Variants in RTL4 observed in about 807,000 individuals in gnomAD.
The protein encoded by RTL4 is retrotransposon Gag like 4.
A neutral mutation model predicts 5.3 loss-of-function variants in RTL4; 4 were observed. The observed-to-expected ratio is 0.75, with a 90% CI of 0.37 to 1.72. The LOEUF is 1.72. Among genes scored for constraint, RTL4 ranks in the 40% most tolerant of loss-of-function variants. RTL4 has a pLI of 0.04. For synonymous variants in RTL4, 98 were observed against 87.3 expected (o/e 1.12, Z -0.68); for missense variants, 260 against 227.1 (o/e 1.14, Z -0.93).
the RTL4 span, among the ~76,000 whole-genome samples, chrX:112,171,581 T>A: frequency 8.9e-6 from 1 of 111,893 alleles, no homozygotes; most frequent in Non-Finnish European, 1.9e-5. Flanking sequence ...TGTTTGTATA[T>A]CTGTGGGGTC....
At chrX:112,155,424 T>C in the RTL4 span, among the ~76,000 whole-genome samples, 1 of 111,521 alleles carries the variant, frequency 9.0e-6, no homozygotes. Flanking sequence ...GAGCGAGGTC[T>C]GAGTTAGGTA....
chrX:112,258,214 A>AC, the RTL4 span, among the ~76,000 whole-genome samples: 1 of 110,656 alleles, frequency 9.0e-6, no homozygotes, highest in Non-Finnish European at 1.9e-5. Flanking sequence ...ATTGGTGCAT[A>AC]CATATCATTA....
the RTL4 span, among the ~76,000 whole-genome samples, chrX:112,303,862 C>A: frequency 9.1e-6 from 1 of 110,058 alleles, no homozygotes; most frequent in African/African-American, 3.3e-5. Flanking sequence ...TTCTCTATTA[C>A]TTTTTATATT....
At chrX:112,224,300 A>G in the RTL4 span, among the ~76,000 whole-genome samples, 1 of 99,008 alleles carries the variant, frequency 1.0e-5, no homozygotes, top group Admixed American at 1.2e-4. Flanking sequence ...CAGACCTTCC[A>G]GATACATTTA....
At chrX:112,173,549 C>A in the RTL4 span, among the ~76,000 whole-genome samples, 1 of 111,423 alleles carries the variant, frequency 9.0e-6, no homozygotes, top group Admixed American at 9.5e-5. Flanking sequence ...ACACCCTACT[C>A]TTGAGAGAGC....
the RTL4 span, among the ~76,000 whole-genome samples, chrX:112,257,680 T>G: frequency 5.5e-5 from 6 of 109,659 alleles, no homozygotes; most frequent in African/African-American, 2.0e-4. Context: ...AGGGCAAAGC[T>G]TCTCTGAGCT....
chrX:112,148,496 G>T, the RTL4 span, among the ~76,000 whole-genome samples: 1 of 111,310 alleles, frequency 9.0e-6, no homozygotes, highest in Non-Finnish European at 1.9e-5. Flanking sequence ...GCCTTATGTA[G>T]TTGGAAACTG....
the RTL4 span, among the ~76,000 whole-genome samples, chrX:112,260,312 C>A: frequency 9.0e-6 from 1 of 111,392 alleles, no homozygotes; most frequent in African/African-American, 3.3e-5. Context: ...TTTGAGCATG[C>A]CTCACTGCCC....
At chrX:112,245,551 C>T in the RTL4 span, among the ~76,000 whole-genome samples, 2 of 111,811 alleles carry the variant, frequency 1.8e-5, no homozygotes, top group Non-Finnish European at 3.8e-5. Flanking sequence ...TCCATCAGGT[C>T]ATTTAAGGTC....
the RTL4 span, among the ~76,000 whole-genome samples, chrX:112,112,338 A>G: frequency 3.6e-5 from 4 of 111,865 alleles, no homozygotes; most frequent in Admixed American, 3.8e-4. Flanking sequence ...TTGTCATTCT[A>G]CTAGATGAGT....
chrX:112,219,165 G>GAATGTACTTA, the RTL4 span, among the ~76,000 whole-genome samples: 3 of 111,757 alleles, frequency 2.7e-5, no homozygotes, highest in Non-Finnish European at 5.6e-5. Flanking sequence ...AAAATAATCA[G>GAATGTACTTA]AATGTACTTA....
the RTL4 span, among the ~76,000 whole-genome samples, chrX:112,136,860 G>A: frequency 2.7e-5 from 3 of 111,834 alleles, no homozygotes; most frequent in African/African-American, 9.7e-5. Context: ...AATAAAAACA[G>A]ACATATAGAC....
chrX:112,181,678 CA>C, the RTL4 span, among the ~76,000 whole-genome samples: 3 of 112,136 alleles, frequency 2.7e-5, no homozygotes, highest in Non-Finnish European at 5.6e-5. Flanking sequence ...GCAGCAGCCC[CA>C]GTCAGGGACT....
chrX:112,367,495 GT>G, the RTL4 span, among the ~76,000 whole-genome samples: 3 of 111,981 alleles, frequency 2.7e-5, no homozygotes, highest in African/African-American at 9.7e-5. Flanking sequence ...GATATCTTCT[GT>G]TTTAAGAAGC....
At chrX:112,391,760 A>G in the RTL4 span, among the ~76,000 whole-genome samples, 1 of 110,698 alleles carries the variant, frequency 9.0e-6, no homozygotes, top group Non-Finnish European at 1.9e-5. Flanking sequence ...AGTGCTGGCT[A>G]TAGATTGTGG....
chrX:112,393,147 C>CTTTT, the RTL4 span, among the ~76,000 whole-genome samples: 47 of 81,394 alleles, frequency 5.8e-4, 1 homozygote, highest in African/African-American at 1.0e-3. Context: ...TTCTTTCTTT[C>CTTTT]TTTTTTTTTT....
chrX:112,398,546 C>A, the RTL4 span, among the ~76,000 whole-genome samples: 1 of 108,283 alleles, frequency 9.2e-6, no homozygotes, highest in Admixed American at 9.8e-5. Context: ...ACCACAGGCG[C>A]CTGCCACCAC....
chrX:112,305,465 C>T, the RTL4 span, among the ~76,000 whole-genome samples: 1 of 109,900 alleles, frequency 9.1e-6, no homozygotes, highest in Non-Finnish European at 1.9e-5. Flanking sequence ...CGGGTTCACA[C>T]CATTCTCCTG....
At chrX:112,201,973 T>TTGTGTGTGTG in the RTL4 span, among the ~76,000 whole-genome samples, 3,267 of 103,363 alleles carry the variant, frequency 0.032, 99 homozygotes, top group African/African-American at 0.096. Flanking sequence ...TTGTGTGTGT[T>TTGTGTGTGTG]TGTGTGTGTG....
Sources: allele counts gnomAD v4.1 joint callset (sites outside exome capture counted in the v4.1 genomes callset), GRCh38; gene constraint gnomAD v4.1.1; transcripts MANE v1.5; gene names NCBI Gene and HGNC (gene_info 2026-07-23, HGNC 2026-07-21).